PRXL2A: variants seen among roughly 807,000 people sequenced by gnomAD.
PRXL2A encodes peroxiredoxin like 2A.
PRXL2A carries 26 observed loss-of-function variants against 25.6 expected under a neutral mutation model. The ratio of observed to expected loss-of-function variants is 1.02; its 90% CI spans 0.74 to 1.41. The LOEUF is 1.41. Ranked by LOEUF, PRXL2A falls within the 40% of genes most tolerant of loss-of-function variation. The pLI, the probability that PRXL2A is intolerant of heterozygous loss-of-function variation, is 0.00. For synonymous variants in PRXL2A, 98 were observed against 102.9 expected, an observed-to-expected ratio of 0.95 and a Z score of 0.29; for missense variants, 246 against 273.9, an observed-to-expected ratio of 0.90 and a Z score of 0.72.
chr10:80,430,192 C>A (rs569023285), intron 5 of PRXL2A, among the ~76,000 whole-genome samples: 6 of 151,466 alleles, frequency 4.0e-5, no homozygotes, highest in Admixed American at 1.3e-4. Flanking sequence ...CCTCCACCCC[C>A]CCGGGTTCAA....
rs10887872 is a variant in PRXL2A, at chr10:80,436,524, A to G, written c.*4425A>G. 6.6e-6 allele frequency: 1 copy of G among 151,856 alleles called. No individual in the cohort carries two copies. Among genetic ancestry groups the G allele is most frequent in the East Asian group, 2.0e-4 (1 of 5,124 alleles). 9.4% of individuals were successfully genotyped at this position (151,856 alleles called of 1,614,324 possible). On this transcript the variant is annotated 3_prime_UTR_variant, in exon 6 of 6. Coordinates refer to ENST00000606162, the MANE Select transcript of PRXL2A (RefSeq NM_032333.5). Reference sequence around the variant, plus strand: ...TGTGGAAGACCAGCACACTCACGTCAGGAGACCTTACCTGGAGCCAGGATG... The same window carrying G: ...TGTGGAAGACCAGCACACTCACGTCGGGAGACCTTACCTGGAGCCAGGATG...
chr10:80,425,936 A>G lies in PRXL2A; in HGVS notation c.341A>G (p.Lys114Arg). The G allele has an allele frequency of 6.2e-7, 1 of 1,614,248 alleles. No homozygotes were observed. Among genetic ancestry groups the G allele is most frequent in the South Asian group, 1.1e-5 (1 of 91,086 alleles). The change falls in exon 4 of 6, where the codon AAG becomes AGG. Residue 114 changes from lysine (K) to arginine (R), a missense_variant. By Grantham distance (26) the Lys-to-Arg change is conservative (BLOSUM62 2). Transcript: ENST00000606162. ...QLGVPLYAVV[K>R]EHIRTEVKDF... ...GGCGTCCCCCTCTATGCAGTGGTAA[A>G]GGAGCACATCAGGACTGAAGTGAAG... is the stretch of plus-strand genomic sequence containing the variant.
At chr10:80,420,378 G>C in intron 1 of PRXL2A, 88 bp from the exon 2 acceptor site, 1 of 1,500,582 alleles carries the variant, frequency 6.7e-7, no homozygotes, top group Non-Finnish European at 8.9e-7. Context: ...CTCCTGGTTG[G>C]CTGTCCTGCC....
intron 4 of PRXL2A, among the ~76,000 whole-genome samples, chr10:80,426,620 C>G (rs1845050531): frequency 6.6e-6 from 1 of 152,186 alleles, no homozygotes. Context: ...ACAGGTTCCT[C>G]CACTGTTGGG....
Position 80,433,599 on chromosome 10 carries a change from C to T in PRXL2A, c.*1500C>T, listed in dbSNP as rs534593813. On this transcript the variant is annotated 3_prime_UTR_variant, in exon 6 of 6. Coordinates refer to ENST00000606162, the MANE Select transcript of PRXL2A (RefSeq NM_032333.5). ...TGAGTTAGGGTTGAGTGGTTCGGGA[C>T]TAAGACCCACTAAGACCATGCCTGC... The T allele has an allele frequency of 1.3e-5, 2 of 152,326 alleles. No individual in the cohort carries two copies. Among genetic ancestry groups the T allele is most frequent in the South Asian group, 4.1e-4 (2 of 4,824 alleles). The allele number at this position is 152,326 out of a possible 1,614,324, so 9.4% of individuals were successfully genotyped here.
At chr10:80,423,180 A>C (rs548246976) in intron 3 of PRXL2A, among the ~76,000 whole-genome samples, 1 of 152,184 alleles carries the variant, frequency 6.6e-6, no homozygotes, top group African/African-American at 2.4e-5. Context: ...GACATCATCT[A>C]TTTGTAGGTG....
At position 80,437,091 on chromosome 10, in the gene PRXL2A, ATTTG is replaced by A. The variant is rs1845422364; in HGVS notation, c.*4997_*5000del. The stretch of plus-strand genomic sequence containing the variant: ...CTCACATACAATTATGATCAAATAA[ATTTG>A]TTTGCTTTTTCTCCTGTTAATTTGC... On this transcript the variant is annotated 3_prime_UTR_variant, in exon 6 of 6. Coordinates refer to ENST00000606162, the MANE Select transcript of PRXL2A (RefSeq NM_032333.5). 1 of 152,200 alleles carries A rather than the reference ATTTG, an allele frequency of 6.6e-6. No individual in the cohort carries two copies. The highest frequency in any genetic ancestry group is 2.1e-4 in the South Asian group (1 of 4,832). The allele number at this position is 152,200 out of a possible 1,614,324, so 9.4% of individuals were successfully genotyped here.
chr10:80,431,913 C>G (rs1845275339), intron 5 of PRXL2A, 73 bp from the exon 6 acceptor site: 1 of 1,051,488 alleles, frequency 9.5e-7, no homozygotes, highest in African/African-American at 1.6e-5. Flanking sequence ...TGACAGACAG[C>G]TGGTCCTCGA....
chr10:80,424,355 GC>G (rs1281113051), intron 3 of PRXL2A, among the ~76,000 whole-genome samples: 1 of 129,406 alleles, frequency 7.7e-6, no homozygotes, highest in Non-Finnish European at 1.5e-5. Context: ...GATCACTTGA[GC>G]CCAGGAATTT....
Position 80,422,504 on chromosome 10 carries a change from G to A in PRXL2A, c.266G>A (p.Arg89Gln), listed in dbSNP as rs762639519. 3.1e-6 allele frequency: 5 copies of A among 1,612,740 alleles called. No homozygotes were observed. The African/African-American group carries it at 5.3e-5, about 17-fold the overall frequency. ...CGGAGGCCAGGCTGTTTCCTCTGTC[G>A]AGAGGTGAGTGCAGATGAGGATCTA... ...AVRRPGCFLC[R>Q]EEAADLSSLK... The change falls in exon 3 of 6, where the codon CGA (arginine) becomes CAA (glutamine). Residue 89 changes from arginine (R) to glutamine (Q), a missense_variant. Transcript: ENST00000606162.
At chr10:80,412,770 T>G (rs898239950) in intron 1 of PRXL2A, among the ~76,000 whole-genome samples, 1 of 152,162 alleles carries the variant, frequency 6.6e-6, no homozygotes, top group Non-Finnish European at 1.5e-5. Context: ...GGAAACAACA[T>G]GAGCAACACT....
At chr10:80,422,384 G>A in intron 2 of PRXL2A, 33 bp from the exon 3 acceptor site, 2 of 1,541,676 alleles carry the variant, frequency 1.3e-6, no homozygotes, top group Non-Finnish European at 1.8e-6. Context: ...TGGGCTGGGA[G>A]GAGATATCGA....
chr10:80,431,553 T>G (rs574765965), intron 5 of PRXL2A, among the ~76,000 whole-genome samples: 1 of 151,976 alleles, frequency 6.6e-6, no homozygotes, highest in African/African-American at 2.4e-5. Context: ...AAAATGAGGG[T>G]CTCTCTTTTA....
intron 1 of PRXL2A, chr10:80,408,952 C>A: frequency 1.1e-6 from 1 of 871,442 alleles, no homozygotes; most frequent in Non-Finnish European, 1.4e-6. Context: ...TCCACGCCCG[C>A]AAGCCTTGAG....
At chr10:80,428,778 G>A (rs756260272) in intron 5 of PRXL2A, among the ~76,000 whole-genome samples, 3 of 152,206 alleles carry the variant, frequency 2.0e-5, no homozygotes, top group Non-Finnish European at 4.4e-5. Context: ...CGTGTAGAAA[G>A]TGTTTTCTTT....
At chr10:80,420,214 C>G in intron 1 of PRXL2A, 1 of 1,148,172 alleles carries the variant, frequency 8.7e-7, no homozygotes, top group Non-Finnish European at 1.1e-6. Flanking sequence ...GAAGGCTGTC[C>G]TTTCTCTGTC....
At chr10:80,413,367 GA>G (rs2131878690) in intron 1 of PRXL2A, among the ~76,000 whole-genome samples, 1 of 152,310 alleles carries the variant, frequency 6.6e-6, no homozygotes, top group Non-Finnish European at 1.5e-5. Context: ...AAAAGGAAGG[GA>G]AAGCAAAAGG....
rs556010620 is a variant in PRXL2A, at chr10:80,413,127, C to G, written c.-3+4484C>G. Among the ~76,000 whole-genome samples the G allele has an allele frequency of 3.3e-5, 5 of 151,750 alleles. No individual in the cohort carries two copies. In the East Asian group the frequency reaches 9.7e-4, roughly 29 times the overall value. ...AACAGTAAAATGTGAACCCCTGTCC[C>G]CCACTGTCCCCCCTCCCTGCCCCCC... On this transcript the variant is annotated intron_variant, in intron 1 of 5. Transcript: ENST00000606162.
At chr10:80,431,382 G>T (rs1052097200) in intron 5 of PRXL2A, among the ~76,000 whole-genome samples, 1 of 150,634 alleles carries the variant, frequency 6.6e-6, no homozygotes, top group Non-Finnish European at 1.5e-5. Context: ...ATGAATCAAA[G>T]AACTCTAACA....
Sources: gnomAD v4.1 joint callset for allele counts (sites outside exome capture counted in the v4.1 genomes callset) on GRCh38, gnomAD v4.1.1 for gene constraint, MANE v1.5 for transcripts, NCBI Gene and HGNC (gene_info 2026-07-23, HGNC 2026-07-21) for gene names.